PLA2R1: variants seen among roughly 807,000 people sequenced by gnomAD.
PLA2R1 encodes the protein phospholipase A2 receptor 1.
PLA2R1 carries 158 observed loss-of-function variants against 195.9 expected under a neutral mutation model. The ratio of observed to expected loss-of-function variants is 0.81; its 90% confidence interval spans 0.71 to 0.92. The LOEUF (loss-of-function observed/expected upper bound fraction) is 0.92. PLA2R1 is among the 40% of genes least tolerant of loss of function. The pLI is 0.00. For missense variants in PLA2R1, 1,626 were observed against 1,764.6 expected (o/e 0.92, Z 1.41); for synonymous variants, 586 against 598.2 (o/e 0.98, Z 0.30).
rs558457372 is a variant in PLA2R1 at position 159,940,835 on chromosome 2, C to T, written c.*943G>A. On this transcript the variant is annotated 3_prime_UTR_variant, in exon 30 of 30. Coordinates refer to ENST00000283243, the MANE Select transcript of PLA2R1 (RefSeq NM_007366.5). ...TACTAATTTATTTAGTACTTCTCAA[C>T]AACATCTGTCTGGTTCTAATGAGAC... 12 of 152,264 alleles carry T rather than the reference C, an allele frequency of 7.9e-5. No individual in the cohort carries two copies. The highest frequency in any genetic ancestry group is 3.9e-4 in the Admixed American group (6 of 15,302). The allele number at this position is 152,264 out of a possible 1,614,324, so 9.4% of individuals were successfully genotyped here. A position where few individuals can be genotyped will look rare whatever the true frequency, so the allele number is the denominator to read the frequency against.
At chr2:160,049,051 C>T (rs1046501137) in intron 1 of PLA2R1, among the ~76,000 whole-genome samples, 14 of 151,898 alleles carry the variant, frequency 9.2e-5, no homozygotes, top group Non-Finnish European at 1.0e-4. Context: ...CCGTTCTAGC[C>T]GGGATGGTCT....
Position 159,952,603 on chromosome 2 carries a change from G to T in PLA2R1, c.3302-1025C>A, listed in dbSNP as rs1211241614. On this transcript the variant is annotated intron_variant, in intron 23 of 29. Coordinates refer to ENST00000283243, the MANE Select transcript of PLA2R1 (RefSeq NM_007366.5). The stretch of plus-strand genomic sequence containing the variant: ...AGGCTGGGACTTAATCCTATTCCTG[G>T]CCCTAACTGGCTAAGAGCTCTTGGG... Among the ~76,000 whole-genome samples the T allele has an allele frequency of 1.3e-5, 2 of 152,078 alleles. 1 individual carries two copies. Among genetic ancestry groups the T allele is most frequent in the Non-Finnish European group, 2.9e-5 (2 of 68,004 alleles).
chr2:159,994,971 G>A (rs1691110109), intron 11 of PLA2R1, among the ~76,000 whole-genome samples: 1 of 151,958 alleles, frequency 6.6e-6, no homozygotes, highest in Non-Finnish European at 1.5e-5. Context: ...TATTTTGCTG[G>A]TATGACATGA....
At chr2:160,022,549 A>G (rs1693207979) in intron 7 of PLA2R1, 116 bp downstream of exon 7, 3 of 514,052 alleles carry the variant, frequency 5.8e-6, no homozygotes, top group Non-Finnish European at 1.0e-5. Context: ...AACTTTAAAT[A>G]TATGTGCAAT....
At chr2:160,059,273 G>T (rs1695789398) in intron 1 of PLA2R1, among the ~76,000 whole-genome samples, 1 of 152,222 alleles carries the variant, frequency 6.6e-6, no homozygotes, top group Admixed American at 6.5e-5. Context: ...CAAACTGGTA[G>T]GTGGCCTGGA....
intron 3 of PLA2R1, among the ~76,000 whole-genome samples, chr2:160,041,380 A>T (rs1446959340): frequency 6.6e-6 from 1 of 152,242 alleles, no homozygotes; most frequent in Non-Finnish European, 1.5e-5. Flanking sequence ...AAATAAAAAT[A>T]AAATGAAATA....
At position 159,976,234 on chromosome 2, in the gene PLA2R1, G is replaced by T. The variant is rs1689545893; in HGVS notation, c.2438-9C>A. The T allele has an allele frequency of 1.3e-6, 2 of 1,586,248 alleles. No homozygotes were observed. Among genetic ancestry groups the T allele is most frequent in the Admixed American group, 1.8e-5 (1 of 56,228 alleles). On this transcript the variant is annotated splice_polypyrimidine_tract_variant and intron_variant, in intron 16 of 29. Coordinates refer to ENST00000283243, the MANE Select transcript of PLA2R1 (RefSeq NM_007366.5). ...AAAGAGCCAGGGTACATCTGAAAAA[G>T]AAACAGTGAAAATAATGCTGAAATG... is the stretch of plus-strand genomic sequence containing the variant.
At chr2:159,925,831 G>A in the PLA2R1 span, among the ~76,000 whole-genome samples, 15 of 152,146 alleles carry the variant, frequency 9.9e-5, no homozygotes, top group Admixed American at 8.5e-4. Flanking sequence ...AGATGGGATT[G>A]GCATTTTTAG....
chr2:159,926,740 G>A, the PLA2R1 span, among the ~76,000 whole-genome samples: 2 of 152,116 alleles, frequency 1.3e-5, no homozygotes, highest in Non-Finnish European at 2.9e-5. Flanking sequence ...AGAAGGTTAA[G>A]GGAAGTAACA....
At chr2:159,948,883 A>G (rs187533529) in intron 25 of PLA2R1, among the ~76,000 whole-genome samples, 17 of 152,328 alleles carry the variant, frequency 1.1e-4, no homozygotes, top group Non-Finnish European at 2.4e-4. Context: ...AATTCTATGC[A>G]GGAAACTTGA....
the PLA2R1 span, among the ~76,000 whole-genome samples, chr2:159,926,675 G>A: frequency 2.0e-5 from 3 of 152,154 alleles, no homozygotes; most frequent in Non-Finnish European, 4.4e-5. Flanking sequence ...TGGCTCACTC[G>A]AAGTGGTCAC....
chr2:159,972,229 T>C (rs924396673), intron 17 of PLA2R1, among the ~76,000 whole-genome samples: 1 of 152,148 alleles, frequency 6.6e-6, no homozygotes, highest in Non-Finnish European at 1.5e-5. Context: ...GGCACAGAAC[T>C]GAACTTCATA....
intron 4 of PLA2R1, 130 bp downstream of exon 4, chr2:160,032,829 T>G (rs1693938929): frequency 1.4e-6 from 1 of 738,672 alleles, no homozygotes; most frequent in African/African-American, 1.9e-5. Context: ...GGTGAGAGTT[T>G]TGGGCCATAT....
At position 159,936,374 on chromosome 2, in the gene PLA2R1, T is replaced by C. The variant is rs1686834680; in HGVS notation, c.*5404A>G. On this transcript the variant is annotated 3_prime_UTR_variant, in exon 30 of 30. Coordinates refer to ENST00000283243, the MANE Select transcript of PLA2R1 (RefSeq NM_007366.5). ...AATTGATCAGAACAAAATAAATATGTTACAAAGATTAAGATAGTATATGTC... is the reference window on the plus strand; with the variant it reads ...AATTGATCAGAACAAAATAAATATGCTACAAAGATTAAGATAGTATATGTC... 1 of 152,210 alleles carries C rather than the reference T, an allele frequency of 6.6e-6. No individual in the cohort carries two copies. The highest frequency in any genetic ancestry group is 2.4e-5 in the African/African-American group (1 of 41,452). The allele number at this position is 152,210 out of a possible 1,614,324, so 9.4% of individuals were successfully genotyped here. A position where few individuals can be genotyped will look rare whatever the true frequency, so the allele number is the denominator to read the frequency against.
intron 1 of PLA2R1, among the ~76,000 whole-genome samples, chr2:160,059,712 A>G (rs1695824130): frequency 6.6e-6 from 1 of 152,192 alleles, no homozygotes; most frequent in Non-Finnish European, 1.5e-5. Context: ...GTTTAGTTGG[A>G]CTCACAGTTC....
At chr2:159,995,418 A>G (rs978719538) in intron 11 of PLA2R1, among the ~76,000 whole-genome samples, 1 of 152,126 alleles carries the variant, frequency 6.6e-6, no homozygotes, top group Non-Finnish European at 1.5e-5. Context: ...GAAACTTAAT[A>G]TTAAAAACCA....
downstream of PLA2R1, among the ~76,000 whole-genome samples, chr2:159,929,190 G>A (rs1201142243): frequency 2.0e-5 from 3 of 152,148 alleles, no homozygotes; most frequent in Non-Finnish European, 4.4e-5. Context: ...CACAGCAAAA[G>A]AAACAATCAG....
At position 159,941,714 on chromosome 2, in the gene PLA2R1, G is replaced by A; in HGVS notation, c.*64C>T. 1.2e-6 allele frequency: 1 copy of A among 830,948 alleles called. No homozygotes were observed. The highest frequency in any genetic ancestry group is 2.0e-5 in the Admixed American group (1 of 49,036). The allele number at this position is 830,948 out of a possible 1,614,324, so 51.5% of individuals were successfully genotyped here. ...CATCTGTGCTGTAAAGGGAAAGACA[G>A]ATGAGACTCCTGTTTAGTCTTCTTT... On this transcript the variant is annotated 3_prime_UTR_variant, in exon 30 of 30. Coordinates refer to ENST00000283243, the MANE Select transcript of PLA2R1 (RefSeq NM_007366.5).
intron 6 of PLA2R1, among the ~76,000 whole-genome samples, chr2:160,024,999 C>T (rs1026603425): frequency 1.3e-5 from 2 of 152,162 alleles, no homozygotes; most frequent in African/African-American, 4.8e-5. Flanking sequence ...CTGCCTGGTG[C>T]TTCATCCCCT....
Sources: gnomAD v4.1 joint callset for allele counts (sites outside exome capture counted in the v4.1 genomes callset) on GRCh38, gnomAD v4.1.1 for gene constraint, MANE v1.5 for transcripts, NCBI Gene and HGNC (gene_info 2026-07-23, HGNC 2026-07-21) for gene names.